DERA: variants seen among roughly 807,000 people sequenced by gnomAD.
DERA encodes deoxyribose-phosphate aldolase, also known as 2-deoxy-D-ribose 5-phosphate aldolase.
Under a neutral mutation model 41.1 loss-of-function variants are expected in DERA, and 15 were observed. The ratio of observed to expected loss-of-function variants is 0.37; its 90% CI spans 0.24 to 0.56. The LOEUF is 0.56. DERA is among the 20% of genes least tolerant of loss of function. The pLI is 0.81. For missense variants in DERA, 396 were observed against 403.4 expected, an observed-to-expected ratio of 0.98 and a Z score of 0.16; for synonymous variants, 139 against 137.4, an observed-to-expected ratio of 1.01 and a Z score of -0.08.
chr12:15,969,799 C>G (rs766670342), intron 5 of DERA, among the ~76,000 whole-genome samples: 2 of 152,072 alleles, frequency 1.3e-5, no homozygotes, highest in Admixed American at 6.6e-5. Flanking sequence ...TGGTATATTT[C>G]TTTTATAGAG....
At chr12:15,952,927 C>T (rs1948509453) in intron 1 of DERA, among the ~76,000 whole-genome samples, 1 of 152,230 alleles carries the variant, frequency 6.6e-6, no homozygotes, top group African/African-American at 2.4e-5. Flanking sequence ...TTCCTGCATC[C>T]TGCCCAGTTT....
chr12:16,003,523 T>C lies in DERA; in HGVS notation c.637+21087T>C, dbSNP rs1035886120. On this transcript the variant is annotated intron_variant, in intron 6 of 8. Transcript: ENST00000428559. This position sits in a 1 kb window ranked among gnomAD's most constrained non-coding sequence, Gnocchi z 4.8. ...GTGCCTAAGGGCTGAGTGTTCGTTT[T>C]AGGTAAGAGAGAAACTGTGAGGGGT... Among the ~76,000 whole-genome samples, 1 of 152,110 alleles carries C rather than the reference T, an allele frequency of 6.6e-6. No individual in the cohort carries two copies. Among genetic ancestry groups the C allele is most frequent in the African/African-American group, 2.4e-5 (1 of 41,420 alleles).
Position 16,036,507 on chromosome 12 carries a change from C to A in DERA, c.900+126C>A. ...GACCTCATCCTACCCAATCCTCTAC[C>A]TTTTCTTCCAAGCAAACCGCCATCA... On this transcript the variant is annotated intron_variant, in intron 8 of 8. Transcript: ENST00000428559. The surrounding 1 kb of genome is among the most constrained non-coding windows in gnomAD (Gnocchi z 4.9). 8.2e-7 allele frequency: 1 copy of A among 1,220,838 alleles called. No individual in the cohort carries two copies. The highest frequency in any genetic ancestry group is 1.1e-6 in the Non-Finnish European group (1 of 883,212). The allele number at this position is 1,220,838 out of a possible 1,614,324, so 75.6% of individuals were successfully genotyped here. A position where few individuals can be genotyped will look rare whatever the true frequency, so the allele number is the denominator to read the frequency against.
intron 3 of DERA, 66 bp downstream of exon 3, chr12:15,958,401 C>CGACTTAAGATACAGCTGCTAA: frequency 7.6e-7 from 1 of 1,320,248 alleles, no homozygotes; most frequent in Non-Finnish European, 1.0e-6. Context: ...AAATCAAAGA[C>CGACTTAAGATACAGCTGCTAA]GACTTAAGAT....
In DERA at chr12:15,956,946, G is replaced by A. The variant is rs768324553; in HGVS notation, c.42G>A (p.Trp14Ter). Residue 14 changes from tryptophan (W) to a stop codon, truncating the protein, a stop_gained, in exon 2 of 9, where the codon TGG (tryptophan) becomes TGA (stop). Coordinates refer to ENST00000428559, the MANE Select transcript of DERA (RefSeq NM_015954.4). LOFTEE classifies it high-confidence loss of function. ...HNRGTELDLS[W>*]ISKIQVNHPA... is the part of the protein sequence containing the mutation. ...TTCTGTCTGTTTTAGACCTTAGCTG[G>A]ATCTCCAAAATACAAGTGAATCACC... is the stretch of plus-strand genomic sequence containing the variant. The A allele has an allele frequency of 6.2e-7, 1 of 1,613,738 alleles. No individual in the cohort carries two copies. Among genetic ancestry groups the A allele is most frequent in the Non-Finnish European group, 8.5e-7 (1 of 1,179,666 alleles).
At chr12:15,948,682 G>A (rs1449992335) in intron 1 of DERA, among the ~76,000 whole-genome samples, 1 of 152,322 alleles carries the variant, frequency 6.6e-6, no homozygotes, top group African/African-American at 2.4e-5. Flanking sequence ...ATCATCTGAA[G>A]CTATCTTCTC....
rs1479097533 is a variant in DERA, at chr12:15,938,812, A to G, written c.32-18124A>G. ...CTTGTCAAATAAGATGTTTCTGTTT[A>G]TGATCCTTTGGGATATTTTGCTAAT... is the stretch of plus-strand genomic sequence containing the variant. On this transcript the variant is annotated intron_variant, in intron 1 of 8. Transcript: ENST00000428559. This position sits in a 1 kb window ranked among gnomAD's most constrained non-coding sequence, Gnocchi z 4.1. Among the ~76,000 whole-genome samples the G allele has an allele frequency of 6.6e-6, 1 of 152,224 alleles. No individual in the cohort carries two copies. Among genetic ancestry groups the G allele is most frequent in the Non-Finnish European group, 1.5e-5 (1 of 68,018 alleles).
intron 1 of DERA, among the ~76,000 whole-genome samples, chr12:15,939,493 A>G (rs1466089236): frequency 6.6e-6 from 1 of 152,218 alleles, no homozygotes; most frequent in East Asian, 1.9e-4. Flanking sequence ...TTGAAATCTC[A>G]TTATTTAATT....
intron 1 of DERA, among the ~76,000 whole-genome samples, chr12:15,955,090 G>A (rs569487640): frequency 1.1e-4 from 16 of 151,908 alleles, no homozygotes; most frequent in Non-Finnish European, 1.8e-4. Context: ...ACTTGAGGTC[G>A]GGAGTTCGAT....
At chr12:15,978,936 G>A (rs1296984958) in intron 5 of DERA, among the ~76,000 whole-genome samples, 3 of 152,198 alleles carry the variant, frequency 2.0e-5, no homozygotes, top group African/African-American at 7.2e-5. Context: ...TCCGTGAGGT[G>A]TGCATACTTC....
intron 6 of DERA, among the ~76,000 whole-genome samples, chr12:16,025,433 A>T (rs1392074901): frequency 6.6e-6 from 1 of 152,138 alleles, no homozygotes; most frequent in African/African-American, 2.4e-5. Context: ...GGACTTCAGA[A>T]AAAGGAACAC....
chr12:15,958,429 C>G (rs1201397925), intron 3 of DERA, 94 bp downstream of exon 3: 3 of 926,288 alleles, frequency 3.2e-6, no homozygotes, highest in Non-Finnish European at 3.0e-6. Context: ...CTAATGATAG[C>G]GGTGATAGAA....
In DERA at chr12:16,036,345, A is replaced by G. The variant is rs1949128385; in HGVS notation, c.864A>G (p.Ile288Met). 2.5e-6 allele frequency: 4 copies of G among 1,613,300 alleles called. No homozygotes were observed. Among genetic ancestry groups the G allele is most frequent in the Non-Finnish European group, 3.4e-6 (4 of 1,179,646 alleles). ...DEWLKPELFR[I>M]GASTLLSDIE... is the part of the protein sequence containing the mutation. Reference sequence around the variant, plus strand: ...GGCTGAAGCCAGAACTCTTTCGAATAGGTGCCAGTACTCTGCTCTCGGACA... The same window carrying G: ...GGCTGAAGCCAGAACTCTTTCGAATGGGTGCCAGTACTCTGCTCTCGGACA... Residue 288 changes from isoleucine to methionine, a missense_variant, in exon 8 of 9, where the codon ATA becomes ATG. Ile to Met is a conservative substitution (Grantham distance 10, BLOSUM62 1). Transcript: ENST00000428559. This position sits in a 1 kb window ranked among gnomAD's most constrained non-coding sequence, Gnocchi z 4.9.
chr12:15,914,008 A>AT (rs1250708000), intron 1 of DERA, among the ~76,000 whole-genome samples: 10 of 152,208 alleles, frequency 6.6e-5, no homozygotes, highest in Non-Finnish European at 1.2e-4. Flanking sequence ...TGCAGGTGTC[A>AT]CGTGGGTAGT....
In DERA at chr12:15,996,618, G is replaced by T. The variant is rs1224377085; in HGVS notation, c.637+14182G>T. Among the ~76,000 whole-genome samples, 2 of 152,140 alleles carry T rather than the reference G, an allele frequency of 1.3e-5. No individual in the cohort carries two copies. Among genetic ancestry groups the T allele is most frequent in the Admixed American group, 6.5e-5 (1 of 15,280 alleles). On this transcript the variant is annotated intron_variant, in intron 6 of 8. Coordinates refer to ENST00000428559, the MANE Select transcript of DERA (RefSeq NM_015954.4). This position sits in a 1 kb window ranked among gnomAD's most constrained non-coding sequence, Gnocchi z 4.7. ...ATCTTAACTAATGACATCTTCAGTG[G>T]CCCTCTTTCCAAATAAGGTCTCTTC...
chr12:16,021,067 G>A lies in DERA; in HGVS notation c.638-11475G>A, dbSNP rs978255225. 6.6e-6 allele frequency among the ~76,000 whole-genome samples: 1 copy of A among 152,256 alleles called. No individual in the cohort carries two copies. Among genetic ancestry groups the A allele is most frequent in the Non-Finnish European group, 1.5e-5 (1 of 68,040 alleles). ...AGAGAAGGAATTCAAGCAGGCTGTG[G>A]AGCAACTGCTTGCTAGAGAGATTAG... On this transcript the variant is annotated intron_variant, in intron 6 of 8. Coordinates refer to ENST00000428559, the MANE Select transcript of DERA (RefSeq NM_015954.4). This position sits in a 1 kb window ranked among gnomAD's most constrained non-coding sequence, Gnocchi z 5.3.
In DERA at chr12:15,938,806, C is replaced by T. The variant is rs1191871366; in HGVS notation, c.32-18130C>T. ...ACAAAACTTGTCAAATAAGATGTTT[C>T]TGTTTATGATCCTTTGGGATATTTT... On this transcript the variant is annotated intron_variant, in intron 1 of 8. Coordinates refer to ENST00000428559, the MANE Select transcript of DERA (RefSeq NM_015954.4). The surrounding 1 kb of genome is among the most constrained non-coding windows in gnomAD (Gnocchi z 4.1). 6.6e-6 allele frequency among the ~76,000 whole-genome samples: 1 copy of T among 152,134 alleles called. No homozygotes were observed. Among genetic ancestry groups the T allele is most frequent in the Admixed American group, 6.5e-5 (1 of 15,278 alleles).
Position 15,987,098 on chromosome 12 carries a change from TCCCAGTA to T in DERA, c.637+4663_637+4669del, listed in dbSNP as rs1249367677. 2.0e-5 allele frequency among the ~76,000 whole-genome samples: 3 copies of T among 152,272 alleles called. No individual in the cohort carries two copies. The East Asian group carries it at 5.8e-4, about 29-fold the overall frequency. Reference sequence around the variant, plus strand: ...TATTTTCCTTTTGTCTTTTTTGTTTTCCCAGTAATTTGACCACAACCGACCTAAGTAT... The same window carrying T: ...TATTTTCCTTTTGTCTTTTTTGTTTTATTTGACCACAACCGACCTAAGTAT... On this transcript the variant is annotated intron_variant, in intron 6 of 8. Coordinates refer to ENST00000428559, the MANE Select transcript of DERA (RefSeq NM_015954.4).
chr12:15,920,094 T>A (rs1284149386), intron 1 of DERA, among the ~76,000 whole-genome samples: 1 of 91,436 alleles, frequency 1.1e-5, no homozygotes, highest in African/African-American at 2.6e-5. Flanking sequence ...GAACTAGGTA[T>A]CTGGCCTGCT....
Sources: gnomAD v4.1 joint callset for allele counts (sites outside exome capture counted in the v4.1 genomes callset) on GRCh38, gnomAD v4.1.1 for gene constraint, Gnocchi (gnomAD v3.1) non-coding constraint, MANE v1.5 for transcripts, NCBI Gene and HGNC (gene_info 2026-07-23, HGNC 2026-07-21) for gene names.